Variants in GRIA2 observed in about 807,000 individuals in gnomAD.
GRIA2 encodes glutamate receptor 2.
A neutral mutation model predicts 97.3 loss-of-function variants in GRIA2; 14 were observed. The observed-to-expected ratio is 0.14, with a 90% confidence interval of 0.10 to 0.23. The LOEUF is 0.23. Ranked by LOEUF, GRIA2 falls within the 10% of genes least tolerant of loss-of-function variation. GRIA2 has a pLI of 1.00. For missense variants in GRIA2, 558 were observed against 1,069.8 expected, an observed-to-expected ratio of 0.52 and a Z score of 6.67; for synonymous variants, 412 against 387.8, an observed-to-expected ratio of 1.06 and a Z score of -0.73.
At chr4:157,324,616 C>G (rs558553822) in intron 6 of GRIA2, among the ~76,000 whole-genome samples, 37 of 152,242 alleles carry the variant, frequency 2.4e-4, no homozygotes, top group Non-Finnish European at 3.1e-4. Flanking sequence ...AGTAAGGCAA[C>G]AGCATGACAG....
At chr4:157,252,918 T>C (rs1255355243) in intron 2 of GRIA2, among the ~76,000 whole-genome samples, 1 of 151,910 alleles carries the variant, frequency 6.6e-6, no homozygotes, top group Non-Finnish European at 1.5e-5. Context: ...CTAATTTAAA[T>C]CCAACAAAGC....
At chr4:157,354,595 C>G (rs1273757831) in intron 12 of GRIA2, among the ~76,000 whole-genome samples, 1 of 152,152 alleles carries the variant, frequency 6.6e-6, no homozygotes, top group African/African-American at 2.4e-5. Flanking sequence ...AAACTGTAGG[C>G]ATCATTTTTC....
intron 6 of GRIA2, among the ~76,000 whole-genome samples, chr4:157,332,084 G>A (rs947879326): frequency 6.6e-6 from 1 of 152,054 alleles, no homozygotes; most frequent in Non-Finnish European, 1.5e-5. Flanking sequence ...GCAAATGGTA[G>A]TATAGATACA....
At chr4:157,335,962 A>G in intron 10 of GRIA2, 85 bp downstream of exon 10, 1 of 862,256 alleles carries the variant, frequency 1.2e-6, no homozygotes. Context: ...AAGTATCTAT[A>G]TCTGAGGTTG....
At chr4:157,276,506 C>A (rs1422049460) in intron 2 of GRIA2, among the ~76,000 whole-genome samples, 5 of 151,108 alleles carry the variant, frequency 3.3e-5, no homozygotes, top group Non-Finnish European at 7.4e-5. Flanking sequence ...CTGATGTAAG[C>A]AGGAGAAAAT....
chr4:157,244,623 G>C (rs1028092532), intron 2 of GRIA2, among the ~76,000 whole-genome samples: 1 of 152,000 alleles, frequency 6.6e-6, no homozygotes, highest in Admixed American at 6.6e-5. Flanking sequence ...TGTAAGGTTT[G>C]TTGTGTTGTG....
intron 2 of GRIA2, among the ~76,000 whole-genome samples, chr4:157,261,664 TA>T (rs1215230782): frequency 6.6e-6 from 1 of 152,164 alleles, no homozygotes; most frequent in Admixed American, 6.6e-5. Context: ...TATTAAGGAT[TA>T]AAAAATACTT....
chr4:157,285,326 G>T (rs1344847538), intron 2 of GRIA2, among the ~76,000 whole-genome samples: 4 of 150,964 alleles, frequency 2.6e-5, no homozygotes, highest in African/African-American at 9.7e-5. Flanking sequence ...ACTTATATTG[G>T]ATACAGATAT....
At chr4:157,314,879 G>A (rs1415194939) in intron 4 of GRIA2, among the ~76,000 whole-genome samples, 2 of 152,118 alleles carry the variant, frequency 1.3e-5, no homozygotes, top group Admixed American at 1.3e-4. Context: ...CCTGAAATGA[G>A]GGATGCAAAG....
intron 2 of GRIA2, among the ~76,000 whole-genome samples, chr4:157,241,867 A>G (rs996758683): frequency 2.6e-5 from 4 of 152,122 alleles, no homozygotes; most frequent in Non-Finnish European, 4.4e-5. Flanking sequence ...ACAAAAAGTA[A>G]CACTGAGCAT....
At chr4:157,357,993 A>G (rs2126994311) in intron 12 of GRIA2, among the ~76,000 whole-genome samples, 1 of 152,244 alleles carries the variant, frequency 6.6e-6, no homozygotes, top group South Asian at 2.1e-4. Flanking sequence ...GGAAAAATTG[A>G]CATTTAATGG....
chr4:157,347,262 G>T (rs1235232782), intron 12 of GRIA2, among the ~76,000 whole-genome samples: 1 of 151,980 alleles, frequency 6.6e-6, no homozygotes, highest in African/African-American at 2.4e-5. Context: ...CTTTTTCCAG[G>T]GTACATGTGT....
intron 2 of GRIA2, among the ~76,000 whole-genome samples, chr4:157,275,056 C>T (rs1732225665): frequency 6.6e-6 from 1 of 151,992 alleles, no homozygotes; most frequent in Non-Finnish European, 1.5e-5. Flanking sequence ...TAATGATTGC[C>T]ATTCTAACTG....
intron 12 of GRIA2, among the ~76,000 whole-genome samples, chr4:157,350,549 C>T (rs1178188323): frequency 6.6e-6 from 1 of 151,470 alleles, no homozygotes; most frequent in Admixed American, 6.6e-5. Context: ...TCATGTTCTT[C>T]AGGCGGCCCA....
chr4:157,264,846 G>T (rs1000824010), intron 2 of GRIA2, among the ~76,000 whole-genome samples: 3 of 151,632 alleles, frequency 2.0e-5, no homozygotes, highest in African/African-American at 7.3e-5. Context: ...ACATTCTCTG[G>T]GAGCCTTTAG....
chr4:157,332,527 G>A (rs1417581658), intron 6 of GRIA2, among the ~76,000 whole-genome samples: 6 of 147,098 alleles, frequency 4.1e-5, no homozygotes, highest in African/African-American at 5.0e-5. Context: ...AAGCAGGTTA[G>A]AAAAAAAAAA....
intron 2 of GRIA2, among the ~76,000 whole-genome samples, chr4:157,228,008 T>G (rs1359125325): frequency 6.6e-6 from 1 of 152,246 alleles, no homozygotes; most frequent in African/African-American, 2.4e-5. Context: ...TTTTCAGTGC[T>G]ATTCAATTTA....
At chr4:157,342,201 C>T (rs1403021856) in intron 12 of GRIA2, 27 of 977,326 alleles carry the variant, frequency 2.8e-5, no homozygotes, top group Non-Finnish European at 3.2e-5. Context: ...ATAATGGTCT[C>T]TGATAATCTA....
At position 157,356,499 on chromosome 4, in the gene GRIA2, A is replaced by C. The variant is rs983473832; in HGVS notation, c.2044-3397A>C. The stretch of plus-strand genomic sequence containing the variant: ...CTTCTACTTTGGTAAAATTTGCTCA[A>C]ATGTAGATGTTGCTTATGAGGGTGG... On this transcript the variant is annotated intron_variant, in intron 12 of 15. Coordinates refer to ENST00000264426, the MANE Select transcript of GRIA2 (RefSeq NM_001083619.3). Among the ~76,000 whole-genome samples, 17 of 151,920 alleles carry C rather than the reference A, an allele frequency of 1.1e-4. 1 individual carries two copies. The highest frequency in any genetic ancestry group is 7.2e-4 in the Admixed American group (11 of 15,228).
Sources: allele counts gnomAD v4.1 joint callset (sites outside exome capture counted in the v4.1 genomes callset), GRCh38; gene constraint gnomAD v4.1.1; transcripts MANE v1.5; gene names NCBI Gene and HGNC (gene_info 2026-07-23, HGNC 2026-07-21).